Variants in FGF1 observed in about 807,000 individuals in gnomAD.
FGF1 encodes the protein beta-endothelial cell growth factor.
In FGF1, 9 loss-of-function variants were observed where a neutral mutation model predicts 13.4. The observed-to-expected ratio is 0.67, with a 90% CI of 0.40 to 1.17. The LOEUF (loss-of-function observed/expected upper bound fraction) is 1.17, where lower values mean the gene tolerates loss of function less well. Among genes scored for constraint, FGF1 ranks in the 50% most tolerant of loss-of-function variants. FGF1 has a pLI of 0.01. For synonymous variants in FGF1, 93 were observed against 79.0 expected (o/e 1.18, Z -0.94); for missense variants, 156 against 192.7 (o/e 0.81, Z 1.13).
At chr5:142,688,226 G>A (rs551817670), upstream of FGF1, among the ~76,000 whole-genome samples, 113 of 152,086 alleles carry the variant, frequency 7.4e-4, no homozygotes, top group African/African-American at 2.6e-3. Context: ...CCTCAGTTAA[G>A]GTATTTACTG....
At chr5:142,640,852 G>T (rs1031313607) in intron 1 of FGF1, among the ~76,000 whole-genome samples, 3 of 151,874 alleles carry the variant, frequency 2.0e-5, no homozygotes, top group Non-Finnish European at 4.4e-5. Flanking sequence ...TCCTCCGTTT[G>T]GCCTCCCTTG....
intron 1 of FGF1, among the ~76,000 whole-genome samples, chr5:142,618,340 C>A (rs1461066989): frequency 6.6e-6 from 1 of 152,120 alleles, no homozygotes; most frequent in African/African-American, 2.4e-5. Flanking sequence ...TAGTAAGCAA[C>A]CACTTTGGCT....
At chr5:142,685,827 C>T (rs1218170653) in intron 1 of FGF1, 130 bp downstream of exon 1, 1 of 151,976 alleles carries the variant, frequency 6.6e-6, no homozygotes, top group African/African-American at 2.4e-5. Flanking sequence ...GAAACATTTT[C>T]TTTCTTCTCC....
At chr5:142,680,212 T>C (rs1773448350) in intron 1 of FGF1, 1 of 152,154 alleles carries the variant, frequency 6.6e-6, no homozygotes, top group Non-Finnish European at 1.5e-5. Context: ...TCTTATGAAT[T>C]TGGGGGTGGA....
rs183007307 is a variant in FGF1 at position 142,611,763 on chromosome 5, G to A, written c.169+2196C>T. ...ATAGGCCCACACAACAACTCCGAGTGTTGGCAGAGAGATGCTGAATCTAAG... is the reference window on the plus strand; with the variant it reads ...ATAGGCCCACACAACAACTCCGAGTATTGGCAGAGAGATGCTGAATCTAAG... On this transcript the variant is annotated intron_variant, in intron 2 of 3. Coordinates refer to ENST00000337706, the MANE Select transcript of FGF1 (RefSeq NM_000800.5). 2.6e-5 allele frequency among the ~76,000 whole-genome samples: 4 copies of A among 152,310 alleles called. No homozygotes were observed. The East Asian group carries it at 7.7e-4, about 29-fold the overall frequency.
At chr5:142,693,163 T>C (rs533111479) in intron 2 of FGF1, among the ~76,000 whole-genome samples, 13 of 152,324 alleles carry the variant, frequency 8.5e-5, no homozygotes, top group Admixed American at 6.5e-4. Flanking sequence ...GAGTGACCTA[T>C]GGCCAGGCTC....
intron 1 of FGF1, among the ~76,000 whole-genome samples, chr5:142,657,467 C>T (rs1221053769): frequency 6.6e-6 from 1 of 152,226 alleles, no homozygotes; most frequent in Non-Finnish European, 1.5e-5. Flanking sequence ...TCTAGCCCAC[C>T]CCTCCACCAA....
chr5:142,690,773 C>T (rs532552607), upstream of FGF1, among the ~76,000 whole-genome samples: 2 of 152,278 alleles, frequency 1.3e-5, no homozygotes, highest in East Asian at 3.9e-4. Context: ...CAGGGCCTTT[C>T]CCTTGCACTA....
At chr5:142,607,712 G>A (rs1210007237) in intron 2 of FGF1, among the ~76,000 whole-genome samples, 1 of 152,160 alleles carries the variant, frequency 6.6e-6, no homozygotes, top group Non-Finnish European at 1.5e-5. Context: ...GTGTTGGTTT[G>A]AAAACAGCCT....
intron 1 of FGF1, among the ~76,000 whole-genome samples, chr5:142,618,497 T>C (rs1468779798): frequency 2.6e-5 from 4 of 152,174 alleles, no homozygotes; most frequent in African/African-American, 7.2e-5. Context: ...TAGGAGATAA[T>C]AGTAACTGGT....
At chr5:142,677,069 G>A (rs1015542715) in intron 1 of FGF1, among the ~76,000 whole-genome samples, 4 of 152,162 alleles carry the variant, frequency 2.6e-5, no homozygotes, top group East Asian at 1.9e-4. Context: ...TCTGGGCTGC[G>A]AACTTGCTCT....
intron 1 of FGF1, among the ~76,000 whole-genome samples, chr5:142,660,876 G>T (rs1266836302): frequency 6.6e-6 from 1 of 152,188 alleles, no homozygotes; most frequent in Non-Finnish European, 1.5e-5. Context: ...AATCTTGGTG[G>T]TTGAGCCAGC....
chr5:142,694,490 T>C (rs867254401), intron 2 of FGF1, among the ~76,000 whole-genome samples: 10 of 152,210 alleles, frequency 6.6e-5, no homozygotes, highest in South Asian at 6.2e-4. Context: ...AGCACAAAGA[T>C]GACTGCATCA....
At chr5:142,660,034 T>C (rs1332310062) in intron 1 of FGF1, among the ~76,000 whole-genome samples, 1 of 152,252 alleles carries the variant, frequency 6.6e-6, no homozygotes, top group African/African-American at 2.4e-5. Flanking sequence ...ACTGCTGAGC[T>C]GACCGGTCCA....
Position 142,658,849 on chromosome 5 carries a change from G to A in FGF1, c.-35+27108C>T, listed in dbSNP as rs7734325. Among the ~76,000 whole-genome samples the A allele has an allele frequency of 8.9e-3, 1,361 of 152,206 alleles. 20 individuals carry two copies. Among genetic ancestry groups the A allele is most frequent in the African/African-American group, 0.03 (1,248 of 41,510 alleles). On this transcript the variant is annotated intron_variant, in intron 1 of 3. Transcript: ENST00000337706. ...ATGGTGCTCTGGGGATGCTTCTGCC[G>A]TGATCATGAACTCTTCCAGGGGAGG...
intron 2 of FGF1, among the ~76,000 whole-genome samples, chr5:142,608,737 CAT>C (rs1002614863): frequency 1.4e-5 from 2 of 142,002 alleles, no homozygotes; most frequent in African/African-American, 5.3e-5. Context: ...ACATATATAT[CAT>C]ATATATATAG....
chr5:142,675,864 G>A lies in FGF1; in HGVS notation c.-35+10093C>T, dbSNP rs144481459. 1.5e-3 allele frequency among the ~76,000 whole-genome samples: 230 copies of A among 152,298 alleles called. 1 individual carries two copies. Among genetic ancestry groups the A allele is most frequent in the African/African-American group, 5.5e-3 (227 of 41,568 alleles). On this transcript the variant is annotated intron_variant, in intron 1 of 3. Coordinates refer to ENST00000337706, the MANE Select transcript of FGF1 (RefSeq NM_000800.5). ...GGACATTGAGCAGAATTTTCAAAAC[G>A]TACATATATTGAGGAACTGAACACC...
chr5:142,624,253 G>A (rs1000228099), intron 1 of FGF1, among the ~76,000 whole-genome samples: 2 of 152,110 alleles, frequency 1.3e-5, no homozygotes, highest in African/African-American at 4.8e-5. Flanking sequence ...TTTTTGTAGA[G>A]ATGGGGTCTC....
At chr5:142,690,738 A>G (rs549578140), upstream of FGF1, among the ~76,000 whole-genome samples, 1 of 152,324 alleles carries the variant, frequency 6.6e-6, no homozygotes, top group Admixed American at 6.5e-5. Context: ...AAATCAGACC[A>G]TGTACGTATT....
Sources: gnomAD v4.1 joint callset for allele counts (sites outside exome capture counted in the v4.1 genomes callset) on GRCh38, gnomAD v4.1.1 for gene constraint, MANE v1.5 for transcripts, NCBI Gene and HGNC (gene_info 2026-07-23, HGNC 2026-07-21) for gene names.